Variants in MTUS1 observed in about 807,000 individuals in gnomAD.
MTUS1 encodes the protein microtubule associated scaffold protein 1.
In MTUS1, 109 loss-of-function variants were observed where a neutral mutation model predicts 120.8. The ratio of observed to expected loss-of-function variants is 0.90; its 90% CI spans 0.77 to 1.06. The LOEUF is 1.06. Ranked by LOEUF, MTUS1 falls within the 50% of genes least tolerant of loss-of-function variation. The probability of loss-of-function intolerance (pLI) is 0.00; values close to 1 mark genes in which losing one functional copy is unlikely to be tolerated. For synonymous variants in MTUS1, 737 were observed against 550.5 expected, an observed-to-expected ratio of 1.34 and a Z score of -4.74; for missense variants, 2,210 against 1,486.3, an observed-to-expected ratio of 1.49 and a Z score of -8.01.
chr8:17,703,272 A>G (rs1263845954), intron 6 of MTUS1, among the ~76,000 whole-genome samples: 1 of 152,158 alleles, frequency 6.6e-6, no homozygotes, highest in East Asian at 1.9e-4. Context: ...TTAAGACCCT[A>G]GGAAAAGAAT....
At chr8:17,682,835 C>T (rs571688984) in intron 7 of MTUS1, among the ~76,000 whole-genome samples, 6 of 152,258 alleles carry the variant, frequency 3.9e-5, no homozygotes, top group Non-Finnish European at 7.4e-5. Context: ...CTCTTGATTC[C>T]TTTCTTACAA....
chr8:17,709,437 TA>T (rs1263684969), intron 6 of MTUS1, among the ~76,000 whole-genome samples: 1 of 152,102 alleles, frequency 6.6e-6, no homozygotes, highest in Non-Finnish European at 1.5e-5. Context: ...TTTTTTATTT[TA>T]TTTTTTTAAC....
chr8:17,726,273 A>T (rs914712601), intron 3 of MTUS1, among the ~76,000 whole-genome samples: 38 of 152,184 alleles, frequency 2.5e-4, no homozygotes, highest in African/African-American at 9.2e-4. Context: ...CACTGTTGAG[A>T]ATCAGGACCT....
chr8:17,765,836 T>G (rs555670958), intron 1 of MTUS1, among the ~76,000 whole-genome samples: 1 of 152,112 alleles, frequency 6.6e-6, no homozygotes, highest in Non-Finnish European at 1.5e-5. Flanking sequence ...ACTACATCTC[T>G]TCATAAAAAT....
chr8:17,775,805 C>G (rs1326555087), intron 1 of MTUS1, among the ~76,000 whole-genome samples: 1 of 152,202 alleles, frequency 6.6e-6, no homozygotes, highest in African/African-American at 2.4e-5. Context: ...GGCAGCCTGG[C>G]CAACCTGGGT....
intron 6 of MTUS1, among the ~76,000 whole-genome samples, chr8:17,691,563 G>A (rs922171729): frequency 3.3e-5 from 5 of 152,204 alleles, no homozygotes; most frequent in Non-Finnish European, 5.9e-5. Flanking sequence ...CTGAAAGGAA[G>A]AATCTGGATT....
At chr8:17,732,125 G>T (rs555267019) in intron 3 of MTUS1, among the ~76,000 whole-genome samples, 82 of 152,292 alleles carry the variant, frequency 5.4e-4, no homozygotes, top group African/African-American at 1.9e-3. Context: ...GATGCACACG[G>T]AACTCCTAGC....
chr8:17,709,804 G>A (rs1264751806), intron 6 of MTUS1, among the ~76,000 whole-genome samples: 1 of 151,960 alleles, frequency 6.6e-6, no homozygotes, highest in Non-Finnish European at 1.5e-5. Flanking sequence ...GTCAGGAGAT[G>A]GAGACCATCT....
chr8:17,708,381 T>C (rs116391689), intron 6 of MTUS1, among the ~76,000 whole-genome samples: 5,062 of 152,188 alleles, frequency 0.033, 118 homozygotes, highest in Non-Finnish European at 0.052. Flanking sequence ...AGAATGCAAA[T>C]TGAAACAACA....
intron 3 of MTUS1, among the ~76,000 whole-genome samples, chr8:17,741,062 G>C (rs561315209): frequency 6.6e-6 from 1 of 151,918 alleles, no homozygotes; most frequent in Admixed American, 6.6e-5. Context: ...GTAGAGAAGG[G>C]GTTTCCCCAC....
Position 17,672,968 on chromosome 8 carries a change from G to C in MTUS1, c.2905+2218C>G, listed in dbSNP as rs549866787. On this transcript the variant is annotated intron_variant, in intron 8 of 14. Coordinates refer to ENST00000693296, the MANE Select transcript of MTUS1 (RefSeq NM_001363059.2). Reference sequence around the variant, plus strand: ...ATCCTTCATTGAAGCAGAGCGAATGGGCACAGTGTTCCATTCTCATTGCTG... The same window carrying C: ...ATCCTTCATTGAAGCAGAGCGAATGCGCACAGTGTTCCATTCTCATTGCTG... Among the ~76,000 whole-genome samples the C allele has an allele frequency of 3.3e-5, 5 of 152,324 alleles. No homozygotes were observed. The East Asian group carries it at 9.6e-4, about 29-fold the overall frequency.
At chr8:17,778,876 A>T (rs2050660794) in intron 1 of MTUS1, among the ~76,000 whole-genome samples, 1 of 152,204 alleles carries the variant, frequency 6.6e-6, no homozygotes, top group African/African-American at 2.4e-5. Context: ...CTACTGAGGC[A>T]CCTGTAAGGT....
At chr8:17,648,464 C>A (rs982108459) in intron 13 of MTUS1, among the ~76,000 whole-genome samples, 1 of 152,264 alleles carries the variant, frequency 6.6e-6, no homozygotes, top group Middle Eastern at 3.4e-3. Context: ...ATGGAGCAGT[C>A]CTATTAACAG....
chr8:17,654,365 G>C (rs1033663724), intron 10 of MTUS1, 196 bp downstream of exon 10: 1 of 582,686 alleles, frequency 1.7e-6, no homozygotes. Context: ...GCTGGCATTT[G>C]TAACTATTAT....
intron 10 of MTUS1, 150 bp from the exon 11 acceptor site, chr8:17,653,648 T>C: frequency 1.6e-6 from 1 of 610,006 alleles, no homozygotes; most frequent in East Asian, 3.0e-5. Flanking sequence ...AAATTGGCCA[T>C]CTGTTCTCAA....
intron 12 of MTUS1, among the ~76,000 whole-genome samples, chr8:17,652,887 G>C (rs1807336132): frequency 6.7e-6 from 1 of 150,350 alleles, no homozygotes; most frequent in African/African-American, 2.5e-5. Context: ...TCTCAATACA[G>C]TGATTTTTTT....
chr8:17,791,961 C>A (rs1390724709), intron 1 of MTUS1, among the ~76,000 whole-genome samples: 1 of 152,178 alleles, frequency 6.6e-6, no homozygotes, highest in Non-Finnish European at 1.5e-5. Context: ...CACCTTCCAG[C>A]GTCCTGATGA....
chr8:17,656,164 T>C (rs1808180619), intron 8 of MTUS1, 99 bp from the exon 9 acceptor site: 3 of 1,040,148 alleles, frequency 2.9e-6, no homozygotes, highest in East Asian at 2.5e-5. Flanking sequence ...ACCTGAAGCA[T>C]ACACCCATGA....
rs371270782 is a variant in MTUS1 at position 17,754,636 on chromosome 8, T to G, written c.1172A>C (p.His391Pro). The G allele has an allele frequency of 1.9e-5, 31 of 1,614,122 alleles. No individual in the cohort carries two copies. The South Asian group carries it at 2.6e-4, about 14-fold the overall frequency. ...GCTACTTAGAATCAATTCTGAGGTA[T>G]GATTTTGGGTTCCCAAATCCTTTCC... ...SKGKDLGTQNHTSELILSSPP... is the reference protein window; with the variant it reads ...SKGKDLGTQNPTSELILSSPP... Residue 391 changes from histidine to proline, a missense_variant, in exon 2 of 15, where the codon CAT becomes CCT. Transcript: ENST00000693296.
Sources: gnomAD v4.1 joint callset for allele counts (sites outside exome capture counted in the v4.1 genomes callset) on GRCh38, gnomAD v4.1.1 for gene constraint, MANE v1.5 for transcripts, NCBI Gene and HGNC (gene_info 2026-07-23, HGNC 2026-07-21) for gene names.